C1orf105: variants seen among roughly 807,000 people sequenced by gnomAD.
C1orf105 encodes chromosome 1 open reading frame 105, also known as uncharacterized protein C1orf105.
Under a neutral mutation model 20.8 loss-of-function variants are expected in C1orf105, and 17 were observed. The observed-to-expected ratio is 0.82, with a 90% CI of 0.56 to 1.23. The LOEUF (loss-of-function observed/expected upper bound fraction) is 1.23, where lower values mean the gene tolerates loss of function less well. Ranked by LOEUF, C1orf105 falls within the 50% of genes most tolerant of loss-of-function variation. The pLI is 0.00. For missense variants in C1orf105, 219 were observed against 213.5 expected (o/e 1.03, Z -0.16); for synonymous variants, 72 against 72.1 (o/e 1.00, Z 0.01).
intron 4 of C1orf105, among the ~76,000 whole-genome samples, chr1:172,457,902 A>G (rs1309604788): frequency 6.6e-6 from 1 of 152,234 alleles, no homozygotes; most frequent in African/African-American, 2.4e-5. Context: ...AAAGTTAGAA[A>G]ATAAACATGA....
intron 1 of C1orf105, chr1:172,428,658 C>A: frequency 1.9e-6 from 1 of 537,756 alleles, no homozygotes; most frequent in Non-Finnish European, 3.2e-6. Flanking sequence ...CTACTCTGAC[C>A]TCTTTATTTA....
chr1:172,462,242 A>T lies in C1orf105; in HGVS notation c.338A>T (p.Tyr113Phe). The T allele has an allele frequency of 6.2e-7, 1 of 1,603,172 alleles. No homozygotes were observed. Among genetic ancestry groups the T allele is most frequent in the South Asian group, 1.1e-5 (1 of 89,694 alleles). Residue 113 changes from tyrosine to phenylalanine, a missense_variant, in exon 5 of 7, where the codon TAT becomes TTT. Physicochemically the swap from Tyr to Phe is conservative, Grantham distance 22. Coordinates refer to ENST00000367727, the MANE Select transcript of C1orf105 (RefSeq NM_139240.4). The stretch of plus-strand genomic sequence containing the variant: ...GCATCCTTTGAGAATTGTATGAGTT[A>T]TAGGTAAGTCAACAATTTAAATCAG... Reference protein sequence around the residue: ...PKASFENCMSYRMSLHQPKFQ... With the variant: ...PKASFENCMSFRMSLHQPKFQ...
intron 4 of C1orf105, 103 bp downstream of exon 4, chr1:172,456,592 A>G: frequency 2.7e-6 from 3 of 1,107,976 alleles, no homozygotes; most frequent in Admixed American, 3.7e-5. Flanking sequence ...GGCCCGTTGC[A>G]AGGAGGGCCT....
chr1:172,441,611 C>T (rs530712184), intron 1 of C1orf105: 36 of 945,750 alleles, frequency 3.8e-5, no homozygotes, highest in Admixed American at 2.7e-5. Context: ...TGGTTTTGAT[C>T]TCTATTCTCT....
At chr1:172,450,207 G>A (rs1284470662) in intron 3 of C1orf105, among the ~76,000 whole-genome samples, 1 of 152,216 alleles carries the variant, frequency 6.6e-6, no homozygotes, top group African/African-American at 2.4e-5. Flanking sequence ...CTTATTGGGA[G>A]AGAACACAGG....
At position 172,468,503 on chromosome 1, in the gene C1orf105, G is replaced by T; in HGVS notation, c.461G>T (p.Gly154Val). The change falls in exon 7 of 7, where the codon GGA (glycine) becomes GTA (valine). Residue 154 changes from glycine (G) to valine (V), a missense_variant. Physicochemically the swap from Gly to Val is moderately radical, Grantham distance 109. Coordinates refer to ENST00000367727, the MANE Select transcript of C1orf105 (RefSeq NM_139240.4). ...GGCCCCAGGACAGCTGTCTTCCACG[G>T]ATTACTGACAGAGGCCTACAAAACT... is the stretch of plus-strand genomic sequence containing the variant. ...ILGPRTAVFH[G>V]LLTEAYKTLK... The T allele has an allele frequency of 6.2e-7, 1 of 1,613,938 alleles. No homozygotes were observed. Among genetic ancestry groups the T allele is most frequent in the African/African-American group, 1.3e-5 (1 of 75,006 alleles).
At chr1:172,434,915 A>G (rs2071990280) in intron 1 of C1orf105, among the ~76,000 whole-genome samples, 1 of 152,256 alleles carries the variant, frequency 6.6e-6, no homozygotes, top group Non-Finnish European at 1.5e-5. Flanking sequence ...TAAAGGGGAT[A>G]TCACCACCAA....
chr1:172,449,768 A>G (rs1648404282), intron 3 of C1orf105, among the ~76,000 whole-genome samples: 1 of 152,188 alleles, frequency 6.6e-6, no homozygotes, highest in African/African-American at 2.4e-5. Flanking sequence ...CATGGCCACC[A>G]TGACGTGCAC....
chr1:172,449,847 C>A (rs898606460), intron 3 of C1orf105, among the ~76,000 whole-genome samples: 3 of 152,200 alleles, frequency 2.0e-5, no homozygotes, highest in African/African-American at 4.8e-5. Flanking sequence ...CAGCAAGAAG[C>A]CTTCCAGTCA....
At chr1:172,457,397 A>T (rs1259929801) in intron 4 of C1orf105, among the ~76,000 whole-genome samples, 1 of 152,144 alleles carries the variant, frequency 6.6e-6, no homozygotes, top group Admixed American at 6.5e-5. Context: ...ATATAAGAAA[A>T]GCTCCTTCAC....
chr1:172,423,831 GGAT>G (rs2071653861), intron 1 of C1orf105, among the ~76,000 whole-genome samples: 1 of 151,938 alleles, frequency 6.6e-6, no homozygotes, highest in South Asian at 2.1e-4. Flanking sequence ...ACATACTGAA[GGAT>G]GCATCCATCA....
intron 1 of C1orf105, among the ~76,000 whole-genome samples, chr1:172,421,414 A>G (rs922797325): frequency 2.0e-5 from 3 of 152,210 alleles, no homozygotes; most frequent in African/African-American, 7.2e-5. Flanking sequence ...TTTCCTATTT[A>G]AAGGGATATA....
intron 1 of C1orf105, among the ~76,000 whole-genome samples, chr1:172,436,786 C>G (rs2072053556): frequency 6.6e-6 from 1 of 152,132 alleles, no homozygotes; most frequent in Non-Finnish European, 1.5e-5. Context: ...AAAGAAACTA[C>G]CATCAGAGTG....
chr1:172,468,468 G>T lies in C1orf105; in HGVS notation c.426G>T (p.Leu142=). Residue 142 remains leucine (L), a synonymous_variant, in exon 7 of 7, where the codon CTG becomes CTT. Transcript: ENST00000367727. ...ATCCAGAAAGCATTCACTACAGACT[G>T]CCCATTCTGGGCCCCAGGACAGCTG... ...DIPTESIHYR[L]PILGPRTAVF... 6.2e-7 allele frequency: 1 copy of T among 1,613,296 alleles called. No individual in the cohort carries two copies. Among genetic ancestry groups the T allele is most frequent in the Non-Finnish European group, 8.5e-7 (1 of 1,179,434 alleles).
Position 172,450,505 on chromosome 1 carries a change from T to C in C1orf105, c.198+1974T>C, listed in dbSNP as rs112348774. Among the ~76,000 whole-genome samples the C allele has an allele frequency of 2.4e-4, 36 of 152,342 alleles. 1 individual carries two copies. Among genetic ancestry groups the C allele is most frequent in the African/African-American group, 7.7e-4 (32 of 41,588 alleles). ...GCTGCTCCCTTCTGGAAAGAAACTG[T>C]TGTGTTTCAAGGGAGTAGAATGTAC... On this transcript the variant is annotated intron_variant, in intron 3 of 6. Coordinates refer to ENST00000367727, the MANE Select transcript of C1orf105 (RefSeq NM_139240.4).
intron 3 of C1orf105, among the ~76,000 whole-genome samples, chr1:172,454,992 G>A (rs566118777): frequency 6.6e-5 from 10 of 152,052 alleles, no homozygotes; most frequent in Admixed American, 3.9e-4. Context: ...TTTATTCGTC[G>A]GTATGACCCC....
chr1:172,431,756 G>A (rs934102460), intron 1 of C1orf105, among the ~76,000 whole-genome samples: 2 of 152,178 alleles, frequency 1.3e-5, no homozygotes, highest in Non-Finnish European at 1.5e-5. Context: ...GAGTACAGTC[G>A]ATGGAGGGTG....
intron 2 of C1orf105, among the ~76,000 whole-genome samples, chr1:172,447,859 G>A (rs191750430): frequency 3.3e-4 from 50 of 152,354 alleles, no homozygotes; most frequent in Non-Finnish European, 7.3e-5. Context: ...CCCTTACACT[G>A]TAATGAAATG....
At chr1:172,457,747 C>T (rs1167791285) in intron 4 of C1orf105, among the ~76,000 whole-genome samples, 1 of 152,198 alleles carries the variant, frequency 6.6e-6, no homozygotes, top group East Asian at 1.9e-4. Context: ...CTTCTCTGAC[C>T]TTTGCCCTTG....
Sources: gnomAD v4.1 joint callset for allele counts (sites outside exome capture counted in the v4.1 genomes callset) on GRCh38, gnomAD v4.1.1 for gene constraint, MANE v1.5 for transcripts, NCBI Gene and HGNC (gene_info 2026-07-23, HGNC 2026-07-21) for gene names.